GALNTL6: variants seen among roughly 807,000 people sequenced by gnomAD.
GALNTL6 encodes the protein polypeptide N-acetylgalactosaminyltransferase-like 6.
GALNTL6 carries 46 observed loss-of-function variants against 73.7 expected under a neutral mutation model. The ratio of observed to expected loss-of-function variants is 0.62; its 90% CI spans 0.49 to 0.80. The LOEUF is 0.80. Ranked by LOEUF, GALNTL6 falls within the 30% of genes least tolerant of loss-of-function variation. The pLI is 0.00. For missense variants in GALNTL6, 604 were observed against 755.0 expected, an observed-to-expected ratio of 0.80 and a Z score of 2.34; for synonymous variants, 259 against 263.7, an observed-to-expected ratio of 0.98 and a Z score of 0.17.
intron 2 of GALNTL6, among the ~76,000 whole-genome samples, chr4:172,114,401 C>T (rs1047736184): frequency 1.3e-5 from 2 of 152,110 alleles, no homozygotes; most frequent in Non-Finnish European, 2.9e-5. Flanking sequence ...ATAAGTCATT[C>T]GTTCCTCATC....
chr4:172,606,639 T>TAC (rs1245892505), intron 5 of GALNTL6, among the ~76,000 whole-genome samples: 1 of 41,296 alleles, frequency 2.4e-5, no homozygotes, highest in African/African-American at 5.6e-5. Context: ...ACTATATATA[T>TAC]ACTATATATA....
intron 5 of GALNTL6, among the ~76,000 whole-genome samples, chr4:172,560,292 T>C (rs114510829): frequency 6.6e-6 from 1 of 150,734 alleles, no homozygotes; most frequent in Non-Finnish European, 1.5e-5. Context: ...CTGGTCACCA[T>C]AGGGAGACCT....
At chr4:172,118,814 C>A (rs2110993543) in intron 2 of GALNTL6, among the ~76,000 whole-genome samples, 1 of 150,834 alleles carries the variant, frequency 6.6e-6, no homozygotes, top group African/African-American at 2.4e-5. Flanking sequence ...TTGTAAATTT[C>A]TAATAAGCAG....
At chr4:172,265,198 C>T (rs1029744344) in intron 3 of GALNTL6, among the ~76,000 whole-genome samples, 3 of 151,904 alleles carry the variant, frequency 2.0e-5, no homozygotes, top group African/African-American at 7.2e-5. Context: ...AAGGCGCAAC[C>T]GTGAGTCTGG....
At chr4:172,199,848 C>T (rs772631570) in intron 2 of GALNTL6, among the ~76,000 whole-genome samples, 2 of 152,112 alleles carry the variant, frequency 1.3e-5, no homozygotes, top group Non-Finnish European at 2.9e-5. Flanking sequence ...TGTTGACATA[C>T]TCTAGAAAGA....
chr4:172,052,437 C>T (rs915504564), intron 2 of GALNTL6: 9 of 1,533,790 alleles, frequency 5.9e-6, no homozygotes, highest in Non-Finnish European at 7.0e-6. Context: ...AACCCATTCA[C>T]CAGCCAGATG....
chr4:172,871,480 A>T (rs1744927895), intron 7 of GALNTL6, among the ~76,000 whole-genome samples: 1 of 151,934 alleles, frequency 6.6e-6, no homozygotes, highest in African/African-American at 2.4e-5. Flanking sequence ...TTCCTCACTA[A>T]TAAAATAGTG....
chr4:172,655,901 G>A (rs1382298356), intron 5 of GALNTL6, among the ~76,000 whole-genome samples: 2 of 152,056 alleles, frequency 1.3e-5, no homozygotes, highest in Admixed American at 6.5e-5. Flanking sequence ...AGAAAAAGAA[G>A]GATGAAGAAT....
At chr4:171,845,236 AG>A (rs1214111901) in intron 2 of GALNTL6, among the ~76,000 whole-genome samples, 2 of 152,148 alleles carry the variant, frequency 1.3e-5, no homozygotes, top group East Asian at 1.9e-4. Context: ...TTGCATCTGG[AG>A]GACAAAATTC....
intron 5 of GALNTL6, among the ~76,000 whole-genome samples, chr4:172,746,929 C>T (rs1237603941): frequency 3.3e-5 from 5 of 152,022 alleles, no homozygotes; most frequent in Non-Finnish European, 7.4e-5. Flanking sequence ...CTGACATGAT[C>T]TTCTATATAG....
At chr4:171,817,207 A>T (rs888390051) in intron 2 of GALNTL6, among the ~76,000 whole-genome samples, 6 of 152,016 alleles carry the variant, frequency 3.9e-5, no homozygotes, top group African/African-American at 9.7e-5. Flanking sequence ...CACATGCCCA[A>T]ATGAGTGAAC....
At chr4:173,026,500 A>G (rs1753239970) in intron 12 of GALNTL6, among the ~76,000 whole-genome samples, 1 of 152,246 alleles carries the variant, frequency 6.6e-6, no homozygotes, top group Admixed American at 6.5e-5. Context: ...GCCAGCATGC[A>G]CTGAAATGGA....
chr4:172,748,009 CT>C (rs35951013), intron 5 of GALNTL6, among the ~76,000 whole-genome samples: 152,106 of 152,226 alleles, frequency 1, 75,994 homozygotes, highest in Non-Finnish European at 1. Flanking sequence ...GAAACTGCAA[CT>C]TTTAAGTGAA....
intron 5 of GALNTL6, among the ~76,000 whole-genome samples, chr4:172,643,502 T>A (rs573949244): frequency 3.9e-5 from 6 of 152,080 alleles, no homozygotes; most frequent in African/African-American, 1.2e-4. Flanking sequence ...ATTATTCAGA[T>A]CAAGAATCAG....
In GALNTL6 at chr4:172,744,486, C is replaced by G. The variant is rs955442328; in HGVS notation, c.554-64875C>G. Among the ~76,000 whole-genome samples, 6 of 152,094 alleles carry G rather than the reference C, an allele frequency of 3.9e-5. No individual in the cohort carries two copies. In the East Asian group the frequency reaches 1.2e-3, roughly 29 times the overall value. On this transcript the variant is annotated intron_variant, in intron 5 of 12. Transcript: ENST00000506823. Reference sequence around the variant, plus strand: ...TGTGTACTGATGTAGGTCTAGAAAACAAGTTAGAGACTGCAACTCTCTATT... The same window carrying G: ...TGTGTACTGATGTAGGTCTAGAAAAGAAGTTAGAGACTGCAACTCTCTATT...
At chr4:171,882,058 G>A (rs1027277325) in intron 2 of GALNTL6, among the ~76,000 whole-genome samples, 6 of 152,044 alleles carry the variant, frequency 3.9e-5, no homozygotes, top group African/African-American at 1.4e-4. Context: ...TAGTTCTCTT[G>A]ATACCATCTG....
chr4:172,601,026 T>C (rs1266084679), intron 5 of GALNTL6, among the ~76,000 whole-genome samples: 4 of 151,492 alleles, frequency 2.6e-5, no homozygotes, highest in Non-Finnish European at 4.4e-5. Context: ...GAAGATGAAA[T>C]TGGCAAAGAA....
chr4:172,005,401 A>G lies in GALNTL6; in HGVS notation c.138+190683A>G, dbSNP rs537204541. On this transcript the variant is annotated intron_variant, in intron 2 of 12. Coordinates refer to ENST00000506823, the MANE Select transcript of GALNTL6 (RefSeq NM_001034845.3). ...CTCTGCCTCCCAAACTGTTGGGATTACAGGCATGAGCCACTGCCCCAGGAC... is the reference window on the plus strand; with the variant it reads ...CTCTGCCTCCCAAACTGTTGGGATTGCAGGCATGAGCCACTGCCCCAGGAC... Among the ~76,000 whole-genome samples the G allele has an allele frequency of 5.9e-5, 9 of 152,300 alleles. No individual in the cohort carries two copies. The South Asian group carries it at 1.9e-3, about 32-fold the overall frequency.
At chr4:171,848,948 T>A (rs988624296) in intron 2 of GALNTL6, among the ~76,000 whole-genome samples, 4 of 152,156 alleles carry the variant, frequency 2.6e-5, no homozygotes, top group African/African-American at 9.7e-5. Flanking sequence ...TTTGAATAAA[T>A]GTAAGAGGTA....
Sources: allele counts gnomAD v4.1 joint callset (sites outside exome capture counted in the v4.1 genomes callset), GRCh38; gene constraint gnomAD v4.1.1; transcripts MANE v1.5; gene names NCBI Gene and HGNC (gene_info 2026-07-23, HGNC 2026-07-21).